SORCS1: variants seen among roughly 807,000 people sequenced by gnomAD.
SORCS1 encodes the protein sortilin related VPS10 domain containing receptor 1, also known as VPS10 domain-containing receptor SorCS1.
SORCS1 carries 60 observed loss-of-function variants against 146.1 expected under a neutral mutation model. The observed-to-expected ratio is 0.41, with a 90% CI of 0.33 to 0.51. SORCS1 has a LOEUF of 0.51. Among genes scored for constraint, SORCS1 ranks in the 20% least tolerant of loss-of-function variants. The probability of loss-of-function intolerance (pLI) is 0.21; values close to 1 mark genes in which losing one functional copy is unlikely to be tolerated. For synonymous variants in SORCS1, 637 were observed against 584.0 expected (o/e 1.09, Z -1.31); for missense variants, 1,352 against 1,487.6 (o/e 0.91, Z 1.50).
In SORCS1 at chr10:106,629,110, G is replaced by A. The variant is rs901855133; in HGVS notation, c.2662+92C>T. The A allele has an allele frequency of 1.3e-5, 15 of 1,125,438 alleles. No homozygotes were observed. The African/African-American group carries it at 1.7e-4, about 13-fold the overall frequency. 69.7% of individuals were successfully genotyped at this position (1,125,438 alleles called of 1,614,324 possible). A position where few individuals can be genotyped will look rare whatever the true frequency, so the allele number is the denominator to read the frequency against. Reference sequence around the variant, plus strand: ...TTCCCCTTCTGCTAAAAGATAACTAGTGTACTTCTTCTAGATATAAAATTG... The same window carrying A: ...TTCCCCTTCTGCTAAAAGATAACTAATGTACTTCTTCTAGATATAAAATTG... On this transcript the variant is annotated intron_variant, in intron 19 of 25. Transcript: ENST00000263054.
chr10:106,683,626 A>T (rs1852603365), intron 10 of SORCS1, among the ~76,000 whole-genome samples: 1 of 152,176 alleles, frequency 6.6e-6, no homozygotes, highest in African/African-American at 2.4e-5. Flanking sequence ...TCAAATCCCA[A>T]TTCTTTCTCC....
intron 1 of SORCS1, among the ~76,000 whole-genome samples, chr10:107,044,954 A>G (rs902216988): frequency 4.6e-5 from 7 of 152,192 alleles, no homozygotes; most frequent in African/African-American, 1.4e-4. Context: ...GGCATTTGAC[A>G]TAAGGCTTTA....
intron 5 of SORCS1, among the ~76,000 whole-genome samples, chr10:106,751,795 G>C (rs1308190644): frequency 6.6e-6 from 1 of 152,170 alleles, no homozygotes; most frequent in Admixed American, 6.5e-5. Context: ...ATGTGTACAT[G>C]TACAAGCATG....
chr10:107,045,353 C>G (rs1210978831), intron 1 of SORCS1, among the ~76,000 whole-genome samples: 1 of 152,156 alleles, frequency 6.6e-6, no homozygotes, highest in Non-Finnish European at 1.5e-5. Context: ...CCTAAATTTG[C>G]TGCAAATAGG....
intron 2 of SORCS1, among the ~76,000 whole-genome samples, chr10:106,938,205 A>G (rs555135472): frequency 1.3e-3 from 191 of 152,270 alleles, no homozygotes; most frequent in Non-Finnish European, 2.2e-3. Flanking sequence ...GAGAAGAGGG[A>G]CCAAAATTCA....
chr10:106,967,344 C>CA, intron 1 of SORCS1, among the ~76,000 whole-genome samples: 1 of 151,008 alleles, frequency 6.6e-6, no homozygotes, highest in African/African-American at 2.4e-5. Context: ...ATGATTTTGA[C>CA]TTTTTTTTTA....
At chr10:106,984,165 C>T (rs1956353871) in intron 1 of SORCS1, among the ~76,000 whole-genome samples, 1 of 152,094 alleles carries the variant, frequency 6.6e-6, no homozygotes. Flanking sequence ...AAGACAAGGA[C>T]GTCCTACTGA....
At chr10:107,156,177 T>C (rs1228088300) in intron 1 of SORCS1, among the ~76,000 whole-genome samples, 1 of 152,084 alleles carries the variant, frequency 6.6e-6, no homozygotes, top group East Asian at 1.9e-4. Flanking sequence ...AATTGTGGAG[T>C]TCTTTCCAAA....
intron 21 of SORCS1, 102 bp from the exon 22 acceptor site, chr10:106,612,125 A>G: frequency 1.2e-6 from 1 of 841,476 alleles, no homozygotes; most frequent in Non-Finnish European, 1.9e-6. Flanking sequence ...CTTCCCCTTC[A>G]CTTACCATAG....
chr10:106,586,848 C>G, intron 24 of SORCS1, among the ~76,000 whole-genome samples: 1 of 152,198 alleles, frequency 6.6e-6, no homozygotes, highest in Non-Finnish European at 1.5e-5. Context: ...CCTAGCTACT[C>G]GAGAGGCTGA....
chr10:106,938,861 C>T (rs986713439), intron 2 of SORCS1, among the ~76,000 whole-genome samples: 4 of 152,168 alleles, frequency 2.6e-5, no homozygotes, highest in Admixed American at 2.0e-4. Flanking sequence ...GTCAGCAAAA[C>T]TCTGACTGCT....
intron 1 of SORCS1, among the ~76,000 whole-genome samples, chr10:107,158,260 C>G (rs185600830): frequency 6.6e-6 from 1 of 152,272 alleles, no homozygotes; most frequent in Non-Finnish European, 1.5e-5. Context: ...AAATTTACTA[C>G]AAGATTGATG....
chr10:106,994,367 T>C (rs1382779924), intron 1 of SORCS1, among the ~76,000 whole-genome samples: 2 of 152,198 alleles, frequency 1.3e-5, no homozygotes, highest in Non-Finnish European at 2.9e-5. Context: ...TCTGTTTGTC[T>C]ACCAGTATAT....
intron 3 of SORCS1, among the ~76,000 whole-genome samples, chr10:106,810,946 T>G (rs2136784763): frequency 6.7e-6 from 1 of 150,222 alleles, no homozygotes; most frequent in Middle Eastern, 3.4e-3. Context: ...ATAATTTCTT[T>G]TTTTTTTTTT....
chr10:106,673,883 T>C (rs1305642376), intron 14 of SORCS1, among the ~76,000 whole-genome samples: 1 of 152,216 alleles, frequency 6.6e-6, no homozygotes, highest in Non-Finnish European at 1.5e-5. Context: ...GGGTCAGTTT[T>C]TTAAAATCTG....
intron 1 of SORCS1, among the ~76,000 whole-genome samples, chr10:106,964,633 C>A (rs938187358): frequency 3.9e-5 from 6 of 152,034 alleles, no homozygotes; most frequent in African/African-American, 1.2e-4. Context: ...ACTACAGGTG[C>A]GTGCCACCAC....
At chr10:106,668,129 T>G (rs528541663) in intron 16 of SORCS1, among the ~76,000 whole-genome samples, 29 of 152,054 alleles carry the variant, frequency 1.9e-4, no homozygotes, top group Non-Finnish European at 3.7e-4. Flanking sequence ...AAAGCTGTAA[T>G]GAGAAAACGG....
At position 106,829,630 on chromosome 10, in the gene SORCS1, C is replaced by CT; in HGVS notation, c.669dup (p.Val224SerfsTer19). The CT allele has an allele frequency of 6.2e-7, 1 of 1,608,082 alleles. No individual in the cohort carries two copies. The highest frequency in any genetic ancestry group is 8.5e-7 in the Non-Finnish European group (1 of 1,175,288). Reference sequence around the variant, plus strand: ...TAGCTCAAAATGGTTTTCAAACCAACTTTATCATTCAGCTTCTCATAGGTT... The same window carrying CT: ...TAGCTCAAAATGGTTTTCAAACCAACTTTTATCATTCAGCTTCTCATAGGTT... On this transcript the variant is annotated frameshift_variant, in exon 3 of 26. Coordinates refer to ENST00000263054, the MANE Select transcript of SORCS1 (RefSeq NM_052918.5). LOFTEE classifies it high-confidence loss of function.
intron 5 of SORCS1, among the ~76,000 whole-genome samples, chr10:106,751,704 C>T (rs554329405): frequency 6.6e-6 from 1 of 152,264 alleles, no homozygotes; most frequent in Non-Finnish European, 1.5e-5. Flanking sequence ...GAGGGAAATA[C>T]AGAGGTTACC....
Sources: gnomAD v4.1 joint callset for allele counts (sites outside exome capture counted in the v4.1 genomes callset) on GRCh38, gnomAD v4.1.1 for gene constraint, MANE v1.5 for transcripts, NCBI Gene and HGNC (gene_info 2026-07-23, HGNC 2026-07-21) for gene names.